SUCLG2: variants seen among roughly 807,000 people sequenced by gnomAD.
SUCLG2 encodes the protein succinate--CoA ligase [GDP-forming] subunit beta, mitochondrial.
In SUCLG2, 42 loss-of-function variants were observed where a neutral mutation model predicts 47.9. That is an observed-to-expected ratio of 0.88 (90% CI 0.69 to 1.14). SUCLG2 has a LOEUF of 1.14. Among genes scored for constraint, SUCLG2 ranks in the 50% most tolerant of loss-of-function variants. SUCLG2 has a pLI of 0.00. For synonymous variants in SUCLG2, 195 were observed against 197.3 expected, an observed-to-expected ratio of 0.99 and a Z score of 0.10; for missense variants, 571 against 525.9, an observed-to-expected ratio of 1.09 and a Z score of -0.84.
chr3:67,571,788 T>C (rs1208351012), intron 2 of SUCLG2, among the ~76,000 whole-genome samples: 9 of 152,346 alleles, frequency 5.9e-5, no homozygotes, highest in African/African-American at 1.7e-4. Context: ...AGAACAGATG[T>C]AGGACTCCTG....
chr3:67,387,858 A>G (rs975892849), intron 10 of SUCLG2, among the ~76,000 whole-genome samples: 7 of 152,122 alleles, frequency 4.6e-5, no homozygotes, highest in African/African-American at 1.7e-4. Context: ...TTAATTAGTT[A>G]ATTAGTATAT....
At chr3:67,604,953 C>G (rs1559592503) in intron 2 of SUCLG2, among the ~76,000 whole-genome samples, 1 of 152,116 alleles carries the variant, frequency 6.6e-6, no homozygotes, top group East Asian at 1.9e-4. Flanking sequence ...AAAATATGAA[C>G]TCTCCTAACA....
chr3:67,633,457 G>A (rs1250083129), intron 1 of SUCLG2, among the ~76,000 whole-genome samples: 2 of 152,136 alleles, frequency 1.3e-5, no homozygotes, highest in Admixed American at 6.5e-5. Flanking sequence ...CCAAAAGTCA[G>A]AGTTATTATA....
chr3:67,360,931 C>T (rs1701794680), intron 10 of SUCLG2, among the ~76,000 whole-genome samples: 1 of 152,162 alleles, frequency 6.6e-6, no homozygotes, highest in Non-Finnish European at 1.5e-5. Context: ...GAGGACTGAA[C>T]TTTTTTCCCT....
chr3:67,510,800 G>A lies in SUCLG2; in HGVS notation c.661-1897C>T, dbSNP rs546244127. On this transcript the variant is annotated intron_variant, in intron 6 of 10. Coordinates refer to ENST00000307227, the MANE Select transcript of SUCLG2 (RefSeq NM_003848.4). ...TTATCTCTGTATATTTAACATACAT[G>A]TGATTAAACATTTGTAGGATAAATT... Among the ~76,000 whole-genome samples, 54 of 151,682 alleles carry A rather than the reference G, an allele frequency of 3.6e-4. No individual in the cohort carries two copies. In the South Asian group the frequency reaches 0.01, roughly 29 times the overall value.
At chr3:67,607,243 A>C (rs1363999930) in intron 2 of SUCLG2, among the ~76,000 whole-genome samples, 1 of 152,146 alleles carries the variant, frequency 6.6e-6, no homozygotes, top group East Asian at 1.9e-4. Flanking sequence ...TGAGCACCTG[A>C]AATGTGACTA....
At chr3:67,469,294 T>G (rs1275471101) in intron 9 of SUCLG2, among the ~76,000 whole-genome samples, 1 of 152,168 alleles carries the variant, frequency 6.6e-6, no homozygotes, top group Non-Finnish European at 1.5e-5. Flanking sequence ...GTGACTGTCA[T>G]GAGAGATTCA....
At chr3:67,619,271 C>T (rs2107330411) in intron 1 of SUCLG2, among the ~76,000 whole-genome samples, 1 of 152,276 alleles carries the variant, frequency 6.6e-6, no homozygotes, top group South Asian at 2.1e-4. Context: ...TCGTGAGATT[C>T]TCCAATTAAA....
chr3:67,381,704 T>C (rs140749925), intron 10 of SUCLG2, among the ~76,000 whole-genome samples: 426 of 152,274 alleles, frequency 2.8e-3, no homozygotes, highest in African/African-American at 9.6e-3. Flanking sequence ...CTCAGCTAAA[T>C]GGTTATCTAC....
At chr3:67,582,264 C>T (rs1277104982) in intron 2 of SUCLG2, among the ~76,000 whole-genome samples, 1 of 152,116 alleles carries the variant, frequency 6.6e-6, no homozygotes, top group Non-Finnish European at 1.5e-5. Context: ...TCACCCTCCT[C>T]CTACCCTCCA....
Position 67,584,614 on chromosome 3 carries a change from T to C in SUCLG2, c.226+24841A>G, listed in dbSNP as rs980415203. Reference sequence around the variant, plus strand: ...AAGAGTATTCCATTGTGTGGTGTATTAGTCCATATAATTGAATACTCTCTG... The same window carrying C: ...AAGAGTATTCCATTGTGTGGTGTATCAGTCCATATAATTGAATACTCTCTG... On this transcript the variant is annotated intron_variant, in intron 2 of 10. Coordinates refer to ENST00000307227, the MANE Select transcript of SUCLG2 (RefSeq NM_003848.4). 1.1e-4 allele frequency among the ~76,000 whole-genome samples: 17 copies of C among 152,188 alleles called. 1 individual carries two copies. Among genetic ancestry groups the C allele is most frequent in the Admixed American group, 7.9e-4 (12 of 15,278 alleles).
intron 4 of SUCLG2, among the ~76,000 whole-genome samples, chr3:67,526,980 C>T (rs1008904510): frequency 6.6e-6 from 1 of 152,124 alleles, no homozygotes; most frequent in African/African-American, 2.4e-5. Context: ...ACATCCATAT[C>T]ATAGATTGCT....
chr3:67,463,451 G>C (rs1005471294), intron 9 of SUCLG2, among the ~76,000 whole-genome samples: 3 of 152,148 alleles, frequency 2.0e-5, no homozygotes, highest in Non-Finnish European at 4.4e-5. Context: ...CAGACACAGA[G>C]AATCATTTTC....
intron 9 of SUCLG2, among the ~76,000 whole-genome samples, chr3:67,457,684 C>CTTTTTTTTTTT (rs71109889): frequency 1.5e-5 from 1 of 65,518 alleles, no homozygotes; most frequent in African/African-American, 7.6e-5. Context: ...ACAAAAGCAG[C>CTTTTTTTTTTT]TTTTTTTTTT....
At chr3:67,650,765 T>G (rs749105133) in intron 1 of SUCLG2, among the ~76,000 whole-genome samples, 36 of 151,762 alleles carry the variant, frequency 2.4e-4, no homozygotes, top group African/African-American at 8.0e-4. Context: ...AAAAAAAAAG[T>G]AAAATAAAAT....
At chr3:67,528,474 A>G (rs901170071) in intron 3 of SUCLG2, among the ~76,000 whole-genome samples, 19 of 152,206 alleles carry the variant, frequency 1.2e-4, no homozygotes, top group African/African-American at 4.6e-4. Context: ...CAAAAAAGTT[A>G]CAGTCATAGT....
intron 9 of SUCLG2, among the ~76,000 whole-genome samples, chr3:67,404,529 G>A (rs1322349797): frequency 2.0e-5 from 3 of 152,088 alleles, no homozygotes; most frequent in Non-Finnish European, 4.4e-5. Flanking sequence ...GGACATAGAA[G>A]TACGCAGGCT....
chr3:67,611,725 A>G (rs548787940), intron 1 of SUCLG2, among the ~76,000 whole-genome samples: 32 of 152,352 alleles, frequency 2.1e-4, no homozygotes, highest in African/African-American at 7.7e-4. Flanking sequence ...GTTGTGGTCA[A>G]TTCCTTTTCA....
At chr3:67,402,654 T>C (rs1270975242) in intron 9 of SUCLG2, among the ~76,000 whole-genome samples, 1 of 152,186 alleles carries the variant, frequency 6.6e-6, no homozygotes, top group African/African-American at 2.4e-5. Context: ...AATGACTCCA[T>C]GGGGTCCATG....
Sources: gnomAD v4.1 joint callset for allele counts (sites outside exome capture counted in the v4.1 genomes callset) on GRCh38, gnomAD v4.1.1 for gene constraint, MANE v1.5 for transcripts, NCBI Gene and HGNC (gene_info 2026-07-23, HGNC 2026-07-21) for gene names.